RNF157: variants seen among roughly 807,000 people sequenced by gnomAD.
RNF157 encodes the protein ring finger protein 157, also known as E3 ubiquitin ligase RNF157.
A neutral mutation model predicts 88.3 loss-of-function variants in RNF157; 55 were observed. The observed-to-expected ratio is 0.62, with a 90% CI of 0.50 to 0.78. The LOEUF is 0.78. RNF157 is among the 30% of genes least tolerant of loss of function. The pLI, the probability that RNF157 is intolerant of heterozygous loss-of-function variation, is 0.00. For missense variants in RNF157, 788 were observed against 860.8 expected, an observed-to-expected ratio of 0.92 and a Z score of 1.06; for synonymous variants, 334 against 341.2, an observed-to-expected ratio of 0.98 and a Z score of 0.23.
chr17:76,232,780 T>C (rs922740519), intron 1 of RNF157, among the ~76,000 whole-genome samples: 1 of 152,244 alleles, frequency 6.6e-6, no homozygotes, highest in Non-Finnish European at 1.5e-5. Context: ...CTATTTTAGT[T>C]ATCCTAATTC....
intron 1 of RNF157, among the ~76,000 whole-genome samples, chr17:76,232,796 G>T (rs2070216086): frequency 6.6e-6 from 1 of 152,152 alleles, no homozygotes. Flanking sequence ...AATTCTAATA[G>T]GTGTGAAATG....
chr17:76,228,730 C>A (rs1379822740), intron 1 of RNF157, among the ~76,000 whole-genome samples: 4 of 152,052 alleles, frequency 2.6e-5, no homozygotes, highest in African/African-American at 7.2e-5. Context: ...CGAGACCAGC[C>A]TGGCCAACAT....
chr17:76,212,004 G>A (rs2069809662), intron 2 of RNF157: 2 of 162,862 alleles, frequency 1.2e-5, no homozygotes, highest in Admixed American at 6.0e-5. Context: ...AGAGGAGGAG[G>A]CAGACAATAA....
intron 2 of RNF157, among the ~76,000 whole-genome samples, chr17:76,207,775 T>G (rs2069707468): frequency 6.6e-6 from 1 of 152,188 alleles, no homozygotes; most frequent in Non-Finnish European, 1.5e-5. Context: ...TCAAGCTACA[T>G]GTCAATCTTC....
chr17:76,168,428 A>AT (rs55760274), intron 3 of RNF157, among the ~76,000 whole-genome samples: 4,824 of 141,624 alleles, frequency 0.034, 252 homozygotes, highest in African/African-American at 0.11. Flanking sequence ...TGCTCATCCT[A>AT]TTTTTTTTTT....
chr17:76,155,882 A>G, intron 14 of RNF157, 148 bp from the exon 15 acceptor site: 1 of 708,160 alleles, frequency 1.4e-6, no homozygotes, highest in South Asian at 2.3e-5. Context: ...TTTTAGGTTT[A>G]TGGTTTTCCA....
At chr17:76,239,353 A>G (rs969178254) in intron 1 of RNF157, among the ~76,000 whole-genome samples, 1 of 152,170 alleles carries the variant, frequency 6.6e-6, no homozygotes, top group African/African-American at 2.4e-5. Flanking sequence ...TCCAGAGGCT[A>G]GAGACATTTA....
chr17:76,162,467 G>A lies in RNF157; in HGVS notation c.792+85C>T, dbSNP rs945190068. 1.1e-5 allele frequency: 10 copies of A among 931,868 alleles called. No individual in the cohort carries two copies. In the Admixed American group the frequency reaches 1.6e-4, roughly 14 times the overall value. The allele number at this position is 931,868 out of a possible 1,614,324, so 57.7% of individuals were successfully genotyped here. ...AAGACCTAACTGATTTCAGAGTTTGGCACGCTAAATTTCTGGACGCTGGCT... is the reference window on the plus strand; with the variant it reads ...AAGACCTAACTGATTTCAGAGTTTGACACGCTAAATTTCTGGACGCTGGCT... On this transcript the variant is annotated intron_variant, in intron 9 of 18. Coordinates refer to ENST00000269391, the MANE Select transcript of RNF157 (RefSeq NM_052916.3).
chr17:76,217,872 C>T (rs1385971865), intron 1 of RNF157, among the ~76,000 whole-genome samples: 1 of 152,150 alleles, frequency 6.6e-6, no homozygotes, highest in Non-Finnish European at 1.5e-5. Flanking sequence ...TAAAAAGTCA[C>T]ATCATACACA....
intron 18 of RNF157, chr17:76,145,706 A>C (rs1802159480): frequency 1.0e-5 from 2 of 198,648 alleles, no homozygotes; most frequent in East Asian, 1.2e-4. Flanking sequence ...AGACAGGAAA[A>C]GGAAATTGGG....
intron 1 of RNF157, among the ~76,000 whole-genome samples, chr17:76,218,128 A>T (rs1337095427): frequency 6.6e-6 from 1 of 152,234 alleles, no homozygotes; most frequent in East Asian, 1.9e-4. Context: ...ACCAAAAGGT[A>T]TGAGCCAGAA....
chr17:76,217,696 A>C (rs1468645847), intron 1 of RNF157, among the ~76,000 whole-genome samples: 1 of 152,220 alleles, frequency 6.6e-6, no homozygotes, highest in Non-Finnish European at 1.5e-5. Flanking sequence ...TACCAGGAGA[A>C]ACACGTCACT....
intron 2 of RNF157, among the ~76,000 whole-genome samples, chr17:76,186,687 C>T (rs2069296109): frequency 6.6e-6 from 1 of 152,054 alleles, no homozygotes; most frequent in South Asian, 2.1e-4. Context: ...CGCCTGTAAT[C>T]CCAGCACTTT....
chr17:76,238,847 G>A (rs1329180876), intron 1 of RNF157, among the ~76,000 whole-genome samples: 1 of 152,056 alleles, frequency 6.6e-6, no homozygotes, highest in African/African-American at 2.4e-5. Context: ...AAATACTAAC[G>A]ACCCACAGCT....
chr17:76,179,585 A>C (rs9915751), intron 2 of RNF157, among the ~76,000 whole-genome samples: 35,409 of 151,874 alleles, frequency 0.23, 4,463 homozygotes, highest in African/African-American at 0.34. Flanking sequence ...CCCAGCTACT[A>C]GGGAGGCTGA....
chr17:76,225,876 TGCACTC>T, intron 1 of RNF157: 27 of 1,613,632 alleles, frequency 1.7e-5, no homozygotes, highest in Non-Finnish European at 2.2e-5. Context: ...TCCAGCTCTT[TGCACTC>T]GCCAGTGAGA....
intron 2 of RNF157, among the ~76,000 whole-genome samples, chr17:76,200,782 T>C (rs2069562266): frequency 1.3e-5 from 2 of 152,198 alleles, no homozygotes; most frequent in Non-Finnish European, 2.9e-5. Flanking sequence ...TCTAGTTCTT[T>C]TACTGTCAGG....
intron 18 of RNF157, 74 bp from the exon 19 acceptor site, chr17:76,145,427 C>T (rs1304613327): frequency 6.1e-6 from 7 of 1,140,758 alleles, no homozygotes; most frequent in Non-Finnish European, 9.1e-6. Flanking sequence ...AGCAGGGCAG[C>T]CCAGGAGCCG....
At chr17:76,156,487 C>T (rs1364314912) in intron 13 of RNF157, 166 bp from the exon 14 acceptor site, 11 of 1,424,226 alleles carry the variant, frequency 7.7e-6, no homozygotes, top group Non-Finnish European at 1.0e-5. Context: ...GTCCTCACTT[C>T]AGCCCAAGCC....
Sources: gnomAD v4.1 joint callset for allele counts (sites outside exome capture counted in the v4.1 genomes callset) on GRCh38, gnomAD v4.1.1 for gene constraint, MANE v1.5 for transcripts, NCBI Gene and HGNC (gene_info 2026-07-23, HGNC 2026-07-21) for gene names.